AGPAT3: variants seen among roughly 807,000 people sequenced by gnomAD.
The protein encoded by AGPAT3 is 1-acylglycerol-3-phosphate O-acyltransferase 3.
Under a neutral mutation model 47.3 loss-of-function variants are expected in AGPAT3, and 5 were observed. That is an observed-to-expected ratio of 0.11 (90% CI 0.06 to 0.22). The LOEUF is 0.22. Among genes scored for constraint, AGPAT3 ranks in the 10% least tolerant of loss-of-function variants. The pLI is 1.00. For missense variants in AGPAT3, 315 were observed against 493.0 expected (o/e 0.64, Z 3.42); for synonymous variants, 212 against 208.3 (o/e 1.02, Z -0.15).
chr21:43,946,005 C>T (rs2087870174), intron 2 of AGPAT3, among the ~76,000 whole-genome samples: 1 of 152,134 alleles, frequency 6.6e-6, no homozygotes, highest in Non-Finnish European at 1.5e-5. Flanking sequence ...CCTCTCTGCC[C>T]AGACACACTC....
chr21:43,971,523 C>A (rs1163122977), intron 7 of AGPAT3, 33 bp downstream of exon 7: 4 of 1,600,908 alleles, frequency 2.5e-6, no homozygotes, highest in Non-Finnish European at 3.4e-6. Flanking sequence ...TCGCGCCGCC[C>A]CCCATACCTT....
In AGPAT3 at chr21:43,939,068, G is replaced by A. The variant is rs932561720; in HGVS notation, c.-48-20566G>A. ...CACGCAGGGGCCGCACCAGGGCTGG[G>A]ACGGGGCTGCGACCAGGCTAGGGGA... On this transcript the variant is annotated intron_variant, in intron 2 of 9. Transcript: ENST00000291572. The surrounding 1 kb of genome is among the most constrained non-coding windows in gnomAD (Gnocchi z 4.4). 6.6e-6 allele frequency among the ~76,000 whole-genome samples: 1 copy of A among 152,216 alleles called. No individual in the cohort carries two copies. The highest frequency in any genetic ancestry group is 2.4e-5 in the African/African-American group (1 of 41,456).
At chr21:43,900,944 G>A (rs1207666978) in intron 1 of AGPAT3, among the ~76,000 whole-genome samples, 1 of 152,150 alleles carries the variant, frequency 6.6e-6, no homozygotes, top group East Asian at 1.9e-4. Flanking sequence ...AGTTCACAGT[G>A]CCCAGCAGCC....
Position 43,953,155 on chromosome 21 carries a change from C to T in AGPAT3, c.-48-6479C>T, listed in dbSNP as rs542635494. On this transcript the variant is annotated intron_variant, in intron 2 of 9. Transcript: ENST00000291572. ...GCACGCCGCAGAGAGCTGCCTTAGC[C>T]GCTTCAACACCATCAGGCCAGAGTA... Among the ~76,000 whole-genome samples the T allele has an allele frequency of 1.1e-4, 16 of 152,282 alleles. No homozygotes were observed. In the South Asian group the frequency reaches 1.7e-3, roughly 16 times the overall value.
intron 1 of AGPAT3, among the ~76,000 whole-genome samples, chr21:43,892,977 C>T (rs759733763): frequency 2.6e-4 from 39 of 152,182 alleles, no homozygotes; most frequent in Admixed American, 9.8e-4. Context: ...TGCCTGTCAT[C>T]TCAGCCTCTT....
intron 2 of AGPAT3, among the ~76,000 whole-genome samples, chr21:43,907,029 CTTTTT>C (rs760824887): frequency 1.6e-5 from 2 of 128,810 alleles, no homozygotes; most frequent in Admixed American, 7.7e-5. Flanking sequence ...TCTTTTCTTT[CTTTTT>C]TTTTTTTTTT....
intron 2 of AGPAT3, among the ~76,000 whole-genome samples, chr21:43,905,313 CT>C (rs1337919142): frequency 6.6e-6 from 1 of 151,956 alleles, no homozygotes; most frequent in East Asian, 1.9e-4. Context: ...CCTCAGCCCC[CT>C]GAGTAGCTGG....
chr21:43,895,281 AT>A (rs1012497848), intron 1 of AGPAT3, among the ~76,000 whole-genome samples: 2 of 150,486 alleles, frequency 1.3e-5, no homozygotes, highest in African/African-American at 4.9e-5. Context: ...ATTTTTTTGT[AT>A]TTTTTTATTA....
chr21:43,972,638 C>T (rs533382305), intron 7 of AGPAT3, among the ~76,000 whole-genome samples: 124 of 152,310 alleles, frequency 8.1e-4, no homozygotes, highest in Admixed American at 2.1e-3. Context: ...GCTGTGGGTG[C>T]CGCCACCAAT....
intron 1 of AGPAT3, among the ~76,000 whole-genome samples, chr21:43,885,591 T>G (rs1345038416): frequency 6.6e-6 from 1 of 152,106 alleles, no homozygotes; most frequent in Non-Finnish European, 1.5e-5. Flanking sequence ...CTACTAAAAA[T>G]CAGGCTGGTC....
intron 8 of AGPAT3, among the ~76,000 whole-genome samples, chr21:43,979,850 A>G (rs951726768): frequency 1.3e-5 from 2 of 152,234 alleles, no homozygotes; most frequent in African/African-American, 2.4e-5. Flanking sequence ...GCACGGACAC[A>G]GTGTGTGGCT....
chr21:43,901,912 AAGAC>A lies in AGPAT3; in HGVS notation c.-111-2043_-111-2040del, dbSNP rs1453581691. ...TTGTAAAATGAAACACAAAGAAAGA[AAGAC>A]AAAAAAATGAACAGAGCATCAGTGG... On this transcript the variant is annotated intron_variant, in intron 1 of 9. Coordinates refer to ENST00000291572, the MANE Select transcript of AGPAT3 (RefSeq NM_020132.5). 2.6e-5 allele frequency among the ~76,000 whole-genome samples: 4 copies of A among 152,254 alleles called. No homozygotes were observed. In the South Asian group the frequency reaches 8.3e-4, roughly 31 times the overall value.
rs2089368280 is a variant in AGPAT3 at position 43,970,903 on chromosome 21, C to G, written c.664+97C>G. 7.5e-7 allele frequency: 1 copy of G among 1,326,340 alleles called. No individual in the cohort carries two copies. The highest frequency in any genetic ancestry group is 3.2e-5 in the Admixed American group (1 of 31,112). The allele number at this position is 1,326,340 out of a possible 1,614,324, so 82.2% of individuals were successfully genotyped here. A position where few individuals can be genotyped will look rare whatever the true frequency, so the allele number is the denominator to read the frequency against. On this transcript the variant is annotated intron_variant, in intron 6 of 9. Coordinates refer to ENST00000291572, the MANE Select transcript of AGPAT3 (RefSeq NM_020132.5). This position sits in a 1 kb window ranked among gnomAD's most constrained non-coding sequence, Gnocchi z 5.8. ...AAAAATGAGTGCATTCCATGTGAAA[C>G]ACAGAAGAACAGAAGTGCAAAAGGA...
intron 1 of AGPAT3, among the ~76,000 whole-genome samples, chr21:43,870,193 T>C (rs1355845329): frequency 6.6e-6 from 1 of 152,146 alleles, no homozygotes; most frequent in East Asian, 1.9e-4. Context: ...GTGCTGGTGT[T>C]CTGGGAATTT....
At chr21:43,951,650 A>G (rs532221092) in intron 2 of AGPAT3, among the ~76,000 whole-genome samples, 1 of 152,300 alleles carries the variant, frequency 6.6e-6, no homozygotes, top group South Asian at 2.1e-4. Flanking sequence ...AGATAGTGCT[A>G]TATTTCAGAG....
At chr21:43,976,730 C>T (rs879393384) in intron 7 of AGPAT3, among the ~76,000 whole-genome samples, 1 of 152,028 alleles carries the variant, frequency 6.6e-6, no homozygotes, top group Non-Finnish European at 1.5e-5. Flanking sequence ...TGAATAGTAG[C>T]CAACTTGTTC....
Position 43,930,562 on chromosome 21 carries a change from C to T in AGPAT3, c.-49+26543C>T, listed in dbSNP as rs1235792073. On this transcript the variant is annotated intron_variant, in intron 2 of 9. Coordinates refer to ENST00000291572, the MANE Select transcript of AGPAT3 (RefSeq NM_020132.5). The surrounding 1 kb of genome is among the most constrained non-coding windows in gnomAD (Gnocchi z 5.0). Reference sequence around the variant, plus strand: ...ACCTTGGGGACAGCAAGCTCTGCCCCGTGAACTCAGAGGCTGCAGCTCCTG... The same window carrying T: ...ACCTTGGGGACAGCAAGCTCTGCCCTGTGAACTCAGAGGCTGCAGCTCCTG... Among the ~76,000 whole-genome samples the T allele has an allele frequency of 7.2e-6, 1 of 139,488 alleles. No individual in the cohort carries two copies. Among genetic ancestry groups the T allele is most frequent in the African/African-American group, 2.7e-5 (1 of 37,578 alleles). The allele number at this position is 139,488 out of a possible 152,430, so 91.5% of individuals were successfully genotyped here. A position where few individuals can be genotyped will look rare whatever the true frequency, so the allele number is the denominator to read the frequency against.
At chr21:43,873,218 G>T (rs1263978174) in intron 1 of AGPAT3, among the ~76,000 whole-genome samples, 1 of 152,150 alleles carries the variant, frequency 6.6e-6, no homozygotes, top group Non-Finnish European at 1.5e-5. Context: ...CTCAATGCCT[G>T]TCTCCAAATA....
Position 43,981,893 on chromosome 21 carries a change from G to C in AGPAT3, c.1043-411G>C, listed in dbSNP as rs1038279855. Among the ~76,000 whole-genome samples the C allele has an allele frequency of 1.1e-4, 16 of 152,184 alleles. No individual in the cohort carries two copies. Among genetic ancestry groups the C allele is most frequent in the African/African-American group, 3.6e-4 (15 of 41,442 alleles). ...AGCCTCTCCCATTGGACTACGAGATGACTTGAGGCCACCCACAGAGGACAG... is the reference window on the plus strand; with the variant it reads ...AGCCTCTCCCATTGGACTACGAGATCACTTGAGGCCACCCACAGAGGACAG... On this transcript the variant is annotated intron_variant, in intron 9 of 9. Transcript: ENST00000291572. The surrounding 1 kb of genome is among the most constrained non-coding windows in gnomAD (Gnocchi z 5.3).
Sources: gnomAD v4.1 joint callset for allele counts (sites outside exome capture counted in the v4.1 genomes callset) on GRCh38, gnomAD v4.1.1 for gene constraint, Gnocchi (gnomAD v3.1) non-coding constraint, MANE v1.5 for transcripts, NCBI Gene and HGNC (gene_info 2026-07-23, HGNC 2026-07-21) for gene names.